N4BP2L2: variants seen among roughly 807,000 people sequenced by gnomAD.
N4BP2L2 encodes NEDD4 binding protein 2 like 2.
N4BP2L2 carries 50 observed loss-of-function variants against 56.2 expected under a neutral mutation model. That is an observed-to-expected ratio of 0.89 (90% confidence interval 0.71 to 1.13). The LOEUF is 1.13. Ranked by LOEUF, N4BP2L2 falls within the 50% of genes most tolerant of loss-of-function variation. N4BP2L2 has a pLI of 0.00. For missense variants in N4BP2L2, 689 were observed against 693.8 expected (o/e 0.99, Z 0.08); for synonymous variants, 203 against 223.6 (o/e 0.91, Z 0.82).
chr13:32,508,489 G>A (rs2091299247), downstream of N4BP2L2: 1 of 151,964 alleles, frequency 6.6e-6, no homozygotes, highest in Non-Finnish European at 1.5e-5. Context: ...GAGAGAGGAT[G>A]GACACAAATG....
At chr13:32,507,842 A>T (rs2091200118), downstream of N4BP2L2, 1 of 152,210 alleles carries the variant, frequency 6.6e-6, no homozygotes, top group Non-Finnish European at 1.5e-5. Context: ...TGCTCTGTGG[A>T]TAAAATTGTA....
chr13:32,440,864 T>C lies in N4BP2L2; in HGVS notation c.2104+1524A>G, dbSNP rs551050100. ...AAAAATAACAATCTTTTTTTTTTTT[T>C]TTTGACAGGGAGTCTCGCTCAGTCA... On this transcript the variant is annotated intron_variant, in intron 7 of 9. Coordinates refer to the N4BP2L2 transcript ENST00000357505. Among the ~76,000 whole-genome samples, 227 of 151,600 alleles carry C rather than the reference T, an allele frequency of 1.5e-3. 2 individuals are homozygous for C. Among genetic ancestry groups the C allele is most frequent in the African/African-American group, 5.4e-3 (224 of 41,262 alleles).
chr13:32,442,690 A>C (rs776107219), exon 7 of N4BP2L2: 1 of 1,613,732 alleles, frequency 6.2e-7, no homozygotes, highest in African/African-American at 1.3e-5. Context: ...AGTCAAAAAC[A>C]GTTTCTTGTT....
chr13:32,522,563 T>G, intron 3 of N4BP2L2: 1 of 204,572 alleles, frequency 4.9e-6, no homozygotes, highest in Admixed American at 5.9e-5. Context: ...GGACTAACTT[T>G]CACTTATGGG....
chr13:32,524,210 A>G (rs1428630444), intron 3 of N4BP2L2: 2 of 152,234 alleles, frequency 1.3e-5, no homozygotes, highest in Non-Finnish European at 2.9e-5. Context: ...TGCTAGCACC[A>G]AGACACTATC....
At chr13:32,537,022 A>C (rs2056717922) in exon 2 of N4BP2L2, 2 of 1,526,174 alleles carry the variant, frequency 1.3e-6, no homozygotes, top group Non-Finnish European at 8.8e-7. Flanking sequence ...TTTCACCATA[A>C]GACATCTGAG....
At chr13:32,526,818 G>GGTT (rs2052993482) in intron 3 of N4BP2L2, 1 of 24,236 alleles carries the variant, frequency 4.1e-5, no homozygotes, top group African/African-American at 1.4e-4. Context: ...CTTTTTGTCT[G>GGTT]TTTTTTTTTT....
intron 9 of N4BP2L2, among the ~76,000 whole-genome samples, chr13:32,434,948 A>G (rs1305778863): frequency 6.6e-6 from 1 of 152,190 alleles, no homozygotes; most frequent in Non-Finnish European, 1.5e-5. Flanking sequence ...CAAATCTACC[A>G]ATTTTAGCAG....
chr13:32,497,593 A>T lies in N4BP2L2; in HGVS notation c.365+20264T>A, dbSNP rs2089014449. Reference sequence around the variant, plus strand: ...CAAGAGATGGCCAAACATAAGCTACACCTGACCAAAGTCACAGCCACCCTG... The same window carrying T: ...CAAGAGATGGCCAAACATAAGCTACTCCTGACCAAAGTCACAGCCACCCTG... On this transcript the variant is annotated intron_variant, in intron 6 of 9. Transcript: ENST00000357505. Among the ~76,000 whole-genome samples the T allele has an allele frequency of 2.0e-5, 3 of 152,272 alleles. No individual in the cohort carries two copies. In the South Asian group the frequency reaches 6.2e-4, roughly 32 times the overall value.
intron 6 of N4BP2L2, among the ~76,000 whole-genome samples, chr13:32,472,685 C>T (rs1408674066): frequency 2.6e-5 from 4 of 152,172 alleles, no homozygotes; most frequent in South Asian, 2.1e-4. Context: ...AGGTCACACC[C>T]GTGAGATGAA....
chr13:32,462,532 G>A (rs565992529), intron 6 of N4BP2L2, among the ~76,000 whole-genome samples: 31 of 151,956 alleles, frequency 2.0e-4, no homozygotes, highest in Non-Finnish European at 3.7e-4. Context: ...GGAGGAATAA[G>A]TTTCAATGTT....
At chr13:32,443,024 T>G (rs1555236731) in exon 7 of N4BP2L2, 1 of 1,612,836 alleles carries the variant, frequency 6.2e-7, no homozygotes, top group African/African-American at 1.3e-5. Context: ...CCGATACGAC[T>G]CTGTCCTAAT....
chr13:32,517,339 T>C lies in N4BP2L2; in HGVS notation c.*463A>G, dbSNP rs184029624. On this transcript the variant is annotated 3_prime_UTR_variant, in exon 6 of 6. Coordinates refer to ENST00000267068, the Ensembl canonical transcript of N4BP2L2. ...TCACACAGATCAATCAGCTGAAATA[T>C]AATTTTACCTGTCTAATGAATAGAG... The C allele has an allele frequency of 1.9e-5, 19 of 986,398 alleles. No individual in the cohort carries two copies. In the African/African-American group the frequency reaches 2.3e-4, roughly 12 times the overall value. 61.1% of individuals were successfully genotyped at this position (986,398 alleles called of 1,614,324 possible). A position where few individuals can be genotyped will look rare whatever the true frequency, so the allele number is the denominator to read the frequency against.
chr13:32,443,033 A>T, exon 7 of N4BP2L2: 3 of 1,609,304 alleles, frequency 1.9e-6, no homozygotes, highest in Non-Finnish European at 2.5e-6. Flanking sequence ...CTCTGTCCTA[A>T]TAAGTCAAAA....
chr13:32,507,279 G>A (rs1296790320), downstream of N4BP2L2: 3 of 152,106 alleles, frequency 2.0e-5, no homozygotes, highest in Non-Finnish European at 2.9e-5. Context: ...GCTTAGAAGT[G>A]GAAATGTCAG....
intron 6 of N4BP2L2, among the ~76,000 whole-genome samples, chr13:32,488,070 A>G (rs1221390601): frequency 6.6e-6 from 1 of 152,154 alleles, no homozygotes; most frequent in Admixed American, 6.6e-5. Context: ...ATAAAGAAAT[A>G]GAGGCCTAGT....
intron 6 of N4BP2L2, among the ~76,000 whole-genome samples, chr13:32,473,713 T>A (rs2082734569): frequency 6.6e-6 from 1 of 152,224 alleles, no homozygotes; most frequent in South Asian, 2.1e-4. Context: ...CTTGTATTCT[T>A]CCATTTTCAA....
intron 6 of N4BP2L2, among the ~76,000 whole-genome samples, chr13:32,489,734 T>C (rs919776945): frequency 1.3e-5 from 2 of 148,896 alleles, no homozygotes; most frequent in Non-Finnish European, 3.0e-5. Context: ...AAATCTAGTT[T>C]AATCACCAAG....
chr13:32,477,639 C>T (rs1344467466), intron 6 of N4BP2L2: 3 of 326,256 alleles, frequency 9.2e-6, no homozygotes, highest in South Asian at 5.3e-5. Flanking sequence ...AAAGCTACAG[C>T]AGGCTTTGCC....
Sources: gnomAD v4.1 joint callset for allele counts (sites outside exome capture counted in the v4.1 genomes callset) on GRCh38, gnomAD v4.1.1 for gene constraint, MANE v1.5 for transcripts, NCBI Gene and HGNC (gene_info 2026-07-23, HGNC 2026-07-21) for gene names.